RNF17: variants seen among roughly 807,000 people sequenced by gnomAD.
RNF17 encodes spermatogenesis associated 23.
Under a neutral mutation model 200.5 loss-of-function variants are expected in RNF17, and 31 were observed. That is an observed-to-expected ratio of 0.15 (90% confidence interval 0.12 to 0.21). RNF17 has a LOEUF of 0.21. Ranked by LOEUF, RNF17 falls within the 10% of genes least tolerant of loss-of-function variation. The pLI, the probability that RNF17 is intolerant of heterozygous loss-of-function variation, is 1.00. For synonymous variants in RNF17, 606 were observed against 637.8 expected, an observed-to-expected ratio of 0.95 and a Z score of 0.75; for missense variants, 1,628 against 1,905.1, an observed-to-expected ratio of 0.85 and a Z score of 2.71.
chr13:24,824,012 C>T (rs1407034041), intron 15 of RNF17, among the ~76,000 whole-genome samples: 31 of 152,306 alleles, frequency 2.0e-4, no homozygotes. Context: ...CTGGTCTGTT[C>T]CCTCTGGTTC....
chr13:24,785,778 A>G (rs1883026817), intron 6 of RNF17, among the ~76,000 whole-genome samples: 2 of 152,148 alleles, frequency 1.3e-5, no homozygotes, highest in African/African-American at 4.8e-5. Context: ...GGGTTCTAAT[A>G]TTGGTGCATA....
chr13:24,836,774 C>T (rs1890041601), intron 18 of RNF17, among the ~76,000 whole-genome samples: 1 of 150,822 alleles, frequency 6.6e-6, no homozygotes, highest in South Asian at 2.1e-4. Flanking sequence ...GAGCATAAAT[C>T]ACACCAGACC....
rs1891050802 is a variant in RNF17, at chr13:24,844,680, G to A, written c.2860G>A (p.Glu954Lys). ...SLEEKMIAAY[E>K]NSKWEPVKWE... is the part of the protein sequence containing the mutation. ...AGAAGAAAAGATGATAGCTGCTTAT[G>A]AAAACTCAAAATGGGAACCTGTTAA... is the stretch of plus-strand genomic sequence containing the variant. The change falls in exon 21 of 36, where the codon GAA (glutamate) becomes AAA (lysine). Residue 954 changes from glutamate to lysine, a missense_variant. Coordinates refer to ENST00000255324, the MANE Select transcript of RNF17 (RefSeq NM_031277.3). 6.2e-7 allele frequency: 1 copy of A among 1,606,128 alleles called. No homozygotes were observed. Among genetic ancestry groups the A allele is most frequent in the African/African-American group, 1.3e-5 (1 of 74,730 alleles).
intron 24 of RNF17, among the ~76,000 whole-genome samples, chr13:24,853,392 A>T (rs999146315): frequency 3.9e-5 from 6 of 152,168 alleles, no homozygotes; most frequent in Non-Finnish European, 8.8e-5. Flanking sequence ...TAAATATAGC[A>T]TATTACCACT....
chr13:24,828,874 T>A (rs1388754979), intron 16 of RNF17, among the ~76,000 whole-genome samples: 1 of 151,976 alleles, frequency 6.6e-6, no homozygotes, highest in Non-Finnish European at 1.5e-5. Context: ...TGGAACATGA[T>A]CATGGTTCAC....
Position 24,853,966 on chromosome 13 carries a change from C to G in RNF17, c.3432C>G (p.Asp1144Glu). 6.2e-7 allele frequency: 1 copy of G among 1,614,102 alleles called. No individual in the cohort carries two copies. The change falls in exon 25 of 36, where the codon GAC becomes GAG. Residue 1144 changes from aspartate (D) to glutamate (E), a missense_variant. Asp to Glu is a conservative substitution (Grantham distance 45, BLOSUM62 2). Coordinates refer to ENST00000255324, the MANE Select transcript of RNF17 (RefSeq NM_031277.3). ...TNCIKTNFDP[D>E]KKTADIISEQ... The stretch of plus-strand genomic sequence containing the variant: ...GTATTAAAACTAACTTTGACCCTGA[C>G]AAGAAAACTGCTGACATAATCAGTG...
intron 1 of RNF17, among the ~76,000 whole-genome samples, chr13:24,765,247 C>G (rs998881848): frequency 4.6e-5 from 7 of 152,060 alleles, no homozygotes; most frequent in Admixed American, 1.3e-4. Flanking sequence ...GATCTCCTGA[C>G]CTCGTGATCC....
intron 5 of RNF17, among the ~76,000 whole-genome samples, chr13:24,780,279 A>G (rs1383037313): frequency 1.3e-5 from 2 of 152,216 alleles, no homozygotes; most frequent in East Asian, 3.9e-4. Flanking sequence ...AGGAATGAGA[A>G]ATACGATAAA....
chr13:24,887,485 AT>A, the RNF17 span, among the ~76,000 whole-genome samples: 1 of 152,200 alleles, frequency 6.6e-6, no homozygotes, highest in African/African-American at 2.4e-5. Context: ...CAAGAACCCT[AT>A]TGTGAACTGC....
At chr13:24,800,276 T>C (rs1885086481) in intron 12 of RNF17, 90 bp from the exon 13 acceptor site, 1 of 870,942 alleles carries the variant, frequency 1.1e-6, no homozygotes, top group Non-Finnish European at 1.7e-6. Context: ...TTAAGAAAAA[T>C]TATACTTAGA....
At position 24,807,404 on chromosome 13, in the gene RNF17, G is replaced by T. The variant is rs573077553; in HGVS notation, c.2091+2975G>T. ...TTGCATTTCTCTGATGGCCAGTGAT[G>T]GTGAGCATTTTTTCATGTGTCTTTT... On this transcript the variant is annotated intron_variant, in intron 15 of 35. Coordinates refer to ENST00000255324, the MANE Select transcript of RNF17 (RefSeq NM_031277.3). Among the ~76,000 whole-genome samples, 799 of 152,154 alleles carry T rather than the reference G, an allele frequency of 5.3e-3. 19 individuals are homozygous for T. In the East Asian group the frequency reaches 0.08, roughly 15 times the overall value.
downstream of RNF17, among the ~76,000 whole-genome samples, chr13:24,881,918 CTATATAGA>C (rs1701814511): frequency 1.9e-5 from 2 of 107,918 alleles, no homozygotes; most frequent in African/African-American, 3.1e-5. Flanking sequence ...ATAGATACAT[CTATATAGA>C]TATATAGATA....
At chr13:24,859,260 T>G (rs924551767) in intron 26 of RNF17, 96 bp downstream of exon 26, 6 of 894,156 alleles carry the variant, frequency 6.7e-6, no homozygotes, top group Non-Finnish European at 9.5e-6. Flanking sequence ...GATTAAAACA[T>G]CTTTTGATGA....
At chr13:24,885,720 T>C in the RNF17 span, 1 of 1,276,390 alleles carries the variant, frequency 7.8e-7, no homozygotes, top group Non-Finnish European at 1.1e-6. Flanking sequence ...AATTGAAAAT[T>C]TTATTAGTAT....
At chr13:24,868,493 A>AAAAAAAAAAAATAAG (rs60813801) in intron 30 of RNF17, 107 bp from the exon 31 acceptor site, 1 of 275,156 alleles carries the variant, frequency 3.6e-6, no homozygotes, top group Non-Finnish European at 6.7e-6. Context: ...AAAAAAAAAA[A>AAAAAAAAAAAATAAG]CTTGCTTTCT....
intron 15 of RNF17, among the ~76,000 whole-genome samples, chr13:24,818,348 G>T (rs375992933): frequency 2.6e-5 from 4 of 152,080 alleles, no homozygotes; most frequent in Admixed American, 2.0e-4. Context: ...AAAAGAAAAG[G>T]TATATTTTAC....
In RNF17 at chr13:24,787,995, A is replaced by G. The variant is rs779503695; in HGVS notation, c.619A>G (p.Asn207Asp). ...LLAFFDSRKK[N>D]LCEEFARTTD... ...TTGGAATCTTAAATGAAGGAAAAAGAACCTGTGTGAAGAATTTGCAAGAAC... is the reference window on the plus strand; with the variant it reads ...TTGGAATCTTAAATGAAGGAAAAAGGACCTGTGTGAAGAATTTGCAAGAAC... Residue 207 changes from asparagine (N) to aspartate (D), a missense_variant, in exon 7 of 36, where the codon AAC becomes GAC. By Grantham distance (23) the Asn-to-Asp change is conservative. Around this residue, in one of 5 missense-constraint regions of RNF17, gnomAD observed 502 missense variants for 501.7 expected, o/e 1.00. Coordinates refer to ENST00000255324, the MANE Select transcript of RNF17 (RefSeq NM_031277.3). 1.3e-6 allele frequency: 2 copies of G among 1,549,064 alleles called. No homozygotes were observed. The highest frequency in any genetic ancestry group is 2.3e-5 in the Admixed American group (1 of 44,044).
chr13:24,865,683 ACTT>A lies in RNF17; in HGVS notation c.4102-460_4102-458del, dbSNP rs370247916. ...CATTGTTCTATGGATAAAGAAAACT[ACTT>A]TCTTCTCTCAAATAGAAATCGTGCT... On this transcript the variant is annotated intron_variant, in intron 29 of 35. Coordinates refer to ENST00000255324, the MANE Select transcript of RNF17 (RefSeq NM_031277.3). 8.5e-5 allele frequency among the ~76,000 whole-genome samples: 13 copies of A among 152,306 alleles called. No homozygotes were observed. The South Asian group carries it at 2.3e-3, about 27-fold the overall frequency.
chr13:24,883,649 A>C (rs1566275568), downstream of RNF17, among the ~76,000 whole-genome samples: 1 of 152,076 alleles, frequency 6.6e-6, no homozygotes, highest in African/African-American at 2.4e-5. Flanking sequence ...ATTAAAAGGG[A>C]CCCTTCTTTC....
Sources: gnomAD v4.1 joint callset for allele counts (sites outside exome capture counted in the v4.1 genomes callset) on GRCh38, gnomAD v4.1.1 for gene constraint, gnomAD v4.1.1 regional missense constraint, MANE v1.5 for transcripts, NCBI Gene and HGNC (gene_info 2026-07-23, HGNC 2026-07-21) for gene names.